The following DGKI variants were observed in gnomAD, a reference collection of about 807,000 sequenced individuals.
DGKI encodes DAG kinase iota.
Under a neutral mutation model 147.5 loss-of-function variants are expected in DGKI, and 55 were observed. That is an observed-to-expected ratio of 0.37 (90% CI 0.30 to 0.47). The LOEUF (loss-of-function observed/expected upper bound fraction) is 0.47. Among genes scored for constraint, DGKI ranks in the 20% least tolerant of loss-of-function variants. The probability of loss-of-function intolerance (pLI) is 1.00; values close to 1 mark genes in which losing one functional copy is unlikely to be tolerated. For synonymous variants in DGKI, 469 were observed against 477.1 expected (o/e 0.98, Z 0.22); for missense variants, 1,007 against 1,323.8 (o/e 0.76, Z 3.71).
chr7:137,404,868 T>C (rs963989254), intron 30 of DGKI, among the ~76,000 whole-genome samples: 2 of 152,052 alleles, frequency 1.3e-5, no homozygotes. Context: ...GATGAGAAAC[T>C]GATTTGTATT....
At chr7:137,591,688 A>T (rs548605173) in intron 12 of DGKI, among the ~76,000 whole-genome samples, 16 of 152,332 alleles carry the variant, frequency 1.1e-4, no homozygotes, top group African/African-American at 3.6e-4. Context: ...CCTGACTTTT[A>T]GAGTTGTTTC....
At chr7:137,487,903 C>T (rs10228926) in intron 21 of DGKI, among the ~76,000 whole-genome samples, 17,604 of 152,098 alleles carry the variant, frequency 0.12, 1,179 homozygotes, top group African/African-American at 0.19. Flanking sequence ...TAGCATGATC[C>T]ATGTTGCCCC....
intron 1 of DGKI, among the ~76,000 whole-genome samples, chr7:137,738,609 C>T (rs1310348424): frequency 6.6e-6 from 1 of 151,926 alleles, no homozygotes; most frequent in African/African-American, 2.4e-5. Flanking sequence ...ATTCAAATTC[C>T]AGCTCCCAGA....
chr7:137,711,380 C>G (rs1160893647), intron 1 of DGKI, among the ~76,000 whole-genome samples: 2 of 152,048 alleles, frequency 1.3e-5, no homozygotes, highest in African/African-American at 4.8e-5. Flanking sequence ...AAATACATTG[C>G]AATATAGTCA....
At chr7:137,684,826 A>G (rs1242308007) in intron 2 of DGKI, among the ~76,000 whole-genome samples, 1 of 152,086 alleles carries the variant, frequency 6.6e-6, no homozygotes, top group Non-Finnish European at 1.5e-5. Flanking sequence ...GGGTGATGAC[A>G]CTCAGACCTG....
intron 20 of DGKI, among the ~76,000 whole-genome samples, chr7:137,550,957 G>T (rs1818024782): frequency 6.6e-6 from 1 of 151,992 alleles, no homozygotes; most frequent in South Asian, 2.1e-4. Flanking sequence ...TACAACCACT[G>T]GCATGCCACA....
At chr7:137,563,072 A>T (rs1818470320) in intron 19 of DGKI, among the ~76,000 whole-genome samples, 1 of 152,114 alleles carries the variant, frequency 6.6e-6, no homozygotes, top group Non-Finnish European at 1.5e-5. Flanking sequence ...CAAGCCTAAG[A>T]GGGGCTTATC....
intron 2 of DGKI, among the ~76,000 whole-genome samples, chr7:137,684,985 A>G (rs1446053590): frequency 6.6e-6 from 1 of 152,142 alleles, no homozygotes; most frequent in African/African-American, 2.4e-5. Flanking sequence ...CTGGCTTTTC[A>G]TTCAAGGTTT....
At chr7:137,417,752 A>G (rs1647189) in intron 28 of DGKI, among the ~76,000 whole-genome samples, 142,771 of 152,248 alleles carry the variant, frequency 0.94, 67,609 homozygotes, top group East Asian at 1. Context: ...AAGGAAATCA[A>G]TGCCCTTCTA....
chr7:137,552,772 G>A (rs1206447959), intron 19 of DGKI, among the ~76,000 whole-genome samples: 1 of 141,360 alleles, frequency 7.1e-6, no homozygotes, highest in Non-Finnish European at 1.5e-5. Flanking sequence ...AAAAAAAGCT[G>A]GGCATGGTGG....
At chr7:137,679,990 CAAAAAA>C (rs768437551) in intron 2 of DGKI, among the ~76,000 whole-genome samples, 1 of 54,074 alleles carries the variant, frequency 1.8e-5, no homozygotes, top group African/African-American at 6.2e-5. Context: ...GACTCCATCT[CAAAAAA>C]AAAAAAAAAA....
chr7:137,444,996 C>T (rs1813660117), intron 27 of DGKI, among the ~76,000 whole-genome samples: 1 of 152,054 alleles, frequency 6.6e-6, no homozygotes, highest in African/African-American at 2.4e-5. Flanking sequence ...TGAAGGAGTC[C>T]TCTTCTCTGA....
chr7:137,609,706 T>G, intron 8 of DGKI, 97 bp from the exon 9 acceptor site: 2 of 785,890 alleles, frequency 2.5e-6, no homozygotes, highest in Non-Finnish European at 4.3e-6. Context: ...CGCATGCTGT[T>G]CCACTGCATG....
In DGKI at chr7:137,756,152, C is replaced by T. The variant is rs558897799; in HGVS notation, c.402-66150G>A. Among the ~76,000 whole-genome samples the T allele has an allele frequency of 3.3e-5, 5 of 152,300 alleles. No homozygotes were observed. In the East Asian group the frequency reaches 9.6e-4, roughly 29 times the overall value. ...CCAATAAACCTGTTTCCTGCAGAGG[C>T]TTTAATAACCAAGCAGATAGGAGAT... On this transcript the variant is annotated intron_variant, in intron 1 of 32. Coordinates refer to ENST00000614521, the MANE Select transcript of DGKI (RefSeq NM_001321708.2).
intron 1 of DGKI, among the ~76,000 whole-genome samples, chr7:137,746,454 A>G (rs1394852878): frequency 6.6e-6 from 1 of 152,234 alleles, no homozygotes; most frequent in Non-Finnish European, 1.5e-5. Flanking sequence ...GTCGCATTAC[A>G]TATTCAGAGA....
chr7:137,675,277 T>C (rs2116373696), intron 3 of DGKI, among the ~76,000 whole-genome samples: 1 of 140,102 alleles, frequency 7.1e-6, no homozygotes, highest in South Asian at 2.1e-4. Flanking sequence ...TCCAGGCACC[T>C]TGTTCGCTTG....
intron 20 of DGKI, among the ~76,000 whole-genome samples, chr7:137,540,910 G>A (rs1563075863): frequency 6.6e-6 from 1 of 151,562 alleles, no homozygotes; most frequent in Non-Finnish European, 1.5e-5. Context: ...AAGAGACACA[G>A]AGAATTTATG....
intron 28 of DGKI, among the ~76,000 whole-genome samples, chr7:137,413,423 C>G (rs1032244487): frequency 6.6e-6 from 1 of 152,098 alleles, no homozygotes; most frequent in Non-Finnish European, 1.5e-5. Flanking sequence ...GGTTTTTCAG[C>G]CTTTGTCCCC....
intron 6 of DGKI, among the ~76,000 whole-genome samples, chr7:137,635,858 G>A (rs1821290998): frequency 6.6e-6 from 1 of 152,216 alleles, no homozygotes; most frequent in Non-Finnish European, 1.5e-5. Context: ...CCCACTTTGG[G>A]AGTTTGTGCT....
Sources: gnomAD v4.1 joint callset for allele counts (sites outside exome capture counted in the v4.1 genomes callset) on GRCh38, gnomAD v4.1.1 for gene constraint, MANE v1.5 for transcripts, NCBI Gene and HGNC (gene_info 2026-07-23, HGNC 2026-07-21) for gene names.